The following TGFBR3 variants were observed in gnomAD, a reference collection of about 807,000 sequenced individuals.
TGFBR3 encodes transforming growth factor beta receptor 3.
In TGFBR3, 46 loss-of-function variants were observed where a neutral mutation model predicts 87.9. That is an observed-to-expected ratio of 0.52 (90% CI 0.41 to 0.67). TGFBR3 has a LOEUF of 0.67. Ranked by LOEUF, TGFBR3 falls within the 30% of genes least tolerant of loss-of-function variation. The pLI is 0.00. For synonymous variants in TGFBR3, 381 were observed against 391.6 expected, an observed-to-expected ratio of 0.97 and a Z score of 0.32; for missense variants, 866 against 1,041.9, an observed-to-expected ratio of 0.83 and a Z score of 2.32.
At chr1:91,844,530 G>A (rs1220515869) in intron 2 of TGFBR3, among the ~76,000 whole-genome samples, 1 of 152,164 alleles carries the variant, frequency 6.6e-6, no homozygotes, top group African/African-American at 2.4e-5. Flanking sequence ...AGATACTACA[G>A]GCAACAAATT....
chr1:91,806,117 G>A (rs1204933500), intron 2 of TGFBR3, among the ~76,000 whole-genome samples: 2 of 152,170 alleles, frequency 1.3e-5, no homozygotes, highest in East Asian at 1.9e-4. Context: ...AATGAAACTC[G>A]TTTCTCATTT....
intron 3 of TGFBR3, among the ~76,000 whole-genome samples, chr1:91,787,322 A>G (rs1249197259): frequency 6.6e-6 from 1 of 152,188 alleles, no homozygotes; most frequent in Non-Finnish European, 1.5e-5. Flanking sequence ...AATTAAAAAA[A>G]AAAAAGTGCT....
At chr1:91,903,648 G>A (rs923499551) in intron 1 of TGFBR3, among the ~76,000 whole-genome samples, 1 of 151,920 alleles carries the variant, frequency 6.6e-6, no homozygotes, top group Non-Finnish European at 1.5e-5. Context: ...GAGGTGAGAG[G>A]ATCGTTTGAG....
At chr1:91,730,915 C>T (rs1571451432) in intron 5 of TGFBR3, among the ~76,000 whole-genome samples, 1 of 152,254 alleles carries the variant, frequency 6.6e-6, no homozygotes, top group South Asian at 2.1e-4. Context: ...ACCACCTCCA[C>T]CCGGGAAAGT....
At chr1:91,768,730 T>G (rs2391067) in intron 3 of TGFBR3, among the ~76,000 whole-genome samples, 30,748 of 151,860 alleles carry the variant, frequency 0.2, 3,762 homozygotes, top group Non-Finnish European at 0.27. Context: ...GAAAGTTTCC[T>G]GAGGCCTCCC....
In TGFBR3 at chr1:91,829,476, G is replaced by A. The variant is rs531010744; in HGVS notation, c.61+31995C>T. Among the ~76,000 whole-genome samples, 8 of 151,780 alleles carry A rather than the reference G, an allele frequency of 5.3e-5. No homozygotes were observed. In the East Asian group the frequency reaches 1.2e-3, roughly 22 times the overall value. ...AGACCCATGCACTGGCTGTGGTTCT[G>A]ACAAAGTGACACCAAAGGGCACATA... On this transcript the variant is annotated intron_variant, in intron 2 of 16. Coordinates refer to ENST00000212355, the MANE Select transcript of TGFBR3 (RefSeq NM_003243.5).
chr1:91,743,721 A>G (rs1334937254), intron 4 of TGFBR3, among the ~76,000 whole-genome samples: 3 of 152,248 alleles, frequency 2.0e-5, no homozygotes, highest in Non-Finnish European at 4.4e-5. Context: ...TTGATGTCCA[A>G]TTAACTGGCA....
intron 1 of TGFBR3, among the ~76,000 whole-genome samples, chr1:91,874,506 G>A (rs115814688): frequency 2.1e-3 from 316 of 152,232 alleles, no homozygotes; most frequent in Non-Finnish European, 3.2e-3. Flanking sequence ...ATAAACAGTA[G>A]AGTGGTTTTT....
chr1:91,896,888 A>G (rs142997677), intron 2 of TGFBR3, among the ~76,000 whole-genome samples: 3 of 150,032 alleles, frequency 2.0e-5, no homozygotes, highest in Non-Finnish European at 3.0e-5. Context: ...ATTAATGTAC[A>G]CATCCCCTAC....
chr1:91,837,774 C>A, intron 2 of TGFBR3, among the ~76,000 whole-genome samples: 1 of 151,466 alleles, frequency 6.6e-6, no homozygotes, highest in East Asian at 1.9e-4. Context: ...CTTTCCCTTG[C>A]TCATTACAGT....
chr1:91,853,699 C>G (rs1444541695), intron 2 of TGFBR3, among the ~76,000 whole-genome samples: 1 of 152,086 alleles, frequency 6.6e-6, no homozygotes, highest in African/African-American at 2.4e-5. Flanking sequence ...TATGATCAAA[C>G]TTATATGCGG....
At chr1:91,860,145 A>G (rs946625444) in intron 2 of TGFBR3, among the ~76,000 whole-genome samples, 4 of 152,214 alleles carry the variant, frequency 2.6e-5, no homozygotes, top group African/African-American at 9.6e-5. Flanking sequence ...ACATGACACT[A>G]CGCAAGTTAC....
At chr1:91,703,649 T>C (rs1160722562) in intron 14 of TGFBR3, among the ~76,000 whole-genome samples, 6 of 152,310 alleles carry the variant, frequency 3.9e-5, no homozygotes, top group African/African-American at 1.4e-4. Flanking sequence ...CGACGTGGTG[T>C]AATCATTTTT....
intron 13 of TGFBR3, 91 bp from the exon 14 acceptor site, chr1:91,708,874 T>C: frequency 6.5e-7 from 1 of 1,545,950 alleles, no homozygotes; most frequent in South Asian, 1.2e-5. Context: ...TGGCCTTTTA[T>C]CAGACAGCAC....
intron 3 of TGFBR3, among the ~76,000 whole-genome samples, chr1:91,770,461 G>A (rs1021009668): frequency 3.9e-5 from 6 of 152,128 alleles, no homozygotes; most frequent in Non-Finnish European, 8.8e-5. Context: ...ACACTCTATA[G>A]AAGCAGCAAA....
At chr1:91,880,693 G>C (rs760031195) in intron 1 of TGFBR3, among the ~76,000 whole-genome samples, 1 of 151,940 alleles carries the variant, frequency 6.6e-6, no homozygotes, top group Non-Finnish European at 1.5e-5. Flanking sequence ...TGTTAAGACT[G>C]AAAAAGAAGA....
chr1:91,772,610 G>T (rs284198), intron 3 of TGFBR3, among the ~76,000 whole-genome samples: 63,028 of 152,024 alleles, frequency 0.41, 13,777 homozygotes, highest in African/African-American at 0.53. Flanking sequence ...TGGTAATTCT[G>T]GTCCTGGTTA....
At chr1:91,789,376 T>C (rs1225368513) in intron 3 of TGFBR3, among the ~76,000 whole-genome samples, 2 of 152,198 alleles carry the variant, frequency 1.3e-5, no homozygotes, top group African/African-American at 4.8e-5. Context: ...TTTTACAATC[T>C]GTCCAGCCAG....
At chr1:91,691,590 C>T (rs899547136) in intron 16 of TGFBR3, among the ~76,000 whole-genome samples, 2 of 152,184 alleles carry the variant, frequency 1.3e-5, no homozygotes, top group Admixed American at 1.3e-4. Context: ...AAAACATTTG[C>T]GTCCTCTGTA....
Sources: gnomAD v4.1 joint callset for allele counts (sites outside exome capture counted in the v4.1 genomes callset) on GRCh38, gnomAD v4.1.1 for gene constraint, MANE v1.5 for transcripts, NCBI Gene and HGNC (gene_info 2026-07-23, HGNC 2026-07-21) for gene names.